Variants in LRRC75A observed in about 807,000 individuals in gnomAD.
LRRC75A encodes the protein leucine-rich repeat-containing protein 75A.
In LRRC75A, 12 loss-of-function variants were observed where a neutral mutation model predicts 26.0. That is an observed-to-expected ratio of 0.46 (90% CI 0.30 to 0.75). LRRC75A has a LOEUF of 0.75. LRRC75A is among the 30% of genes least tolerant of loss of function. LRRC75A has a pLI of 0.08. For missense variants in LRRC75A, 410 were observed against 486.6 expected (o/e 0.84, Z 1.48); for synonymous variants, 223 against 219.3 (o/e 1.02, Z -0.15).
chr17:16,486,653 C>G (rs1006578826), intron 1 of LRRC75A, among the ~76,000 whole-genome samples: 3 of 152,236 alleles, frequency 2.0e-5, no homozygotes, highest in Non-Finnish European at 2.9e-5. Context: ...CGGCAGAGGC[C>G]CCAGACTGCA....
At chr17:16,446,432 A>AT (rs1449685789) in intron 3 of LRRC75A, among the ~76,000 whole-genome samples, 4 of 152,186 alleles carry the variant, frequency 2.6e-5, no homozygotes, top group Non-Finnish European at 5.9e-5. Flanking sequence ...AAAAGTAAGC[A>AT]TGGGCCATCA....
At chr17:16,454,044 T>A (rs1054990012) in intron 2 of LRRC75A, among the ~76,000 whole-genome samples, 2 of 152,308 alleles carry the variant, frequency 1.3e-5, no homozygotes, top group Admixed American at 1.3e-4. Context: ...TCACACCCTT[T>A]GTCCAATCGC....
intron 2 of LRRC75A, among the ~76,000 whole-genome samples, chr17:16,454,271 A>G (rs2093658324): frequency 1.3e-5 from 2 of 152,188 alleles, no homozygotes; most frequent in Non-Finnish European, 2.9e-5. Flanking sequence ...GGGCACCTGT[A>G]GTCCCAGCTA....
At chr17:16,453,297 AACACAC>A (rs764002278) in intron 2 of LRRC75A, among the ~76,000 whole-genome samples, 1,595 of 108,740 alleles carry the variant, frequency 0.015, 25 homozygotes, top group African/African-American at 0.037. Context: ...GGGACTCCTA[AACACAC>A]ACACACACGC....
chr17:16,443,060 T>A lies in LRRC75A; in HGVS notation c.*528A>T, dbSNP rs73287090. ...CCATAAGGAGGTAGGCCACGTTCAG[T>A]CCACCCCTAGCATAGATGGAACTGG... On this transcript the variant is annotated 3_prime_UTR_variant, in exon 4 of 4. Coordinates refer to ENST00000470794, the MANE Select transcript of LRRC75A (RefSeq NM_001113567.3). 3,926 of 153,700 alleles carry A rather than the reference T, an allele frequency of 0.026. 166 individuals carry two copies. Among genetic ancestry groups the A allele is most frequent in the African/African-American group, 0.09 (3,751 of 41,556 alleles). 9.5% of individuals were successfully genotyped at this position (153,700 alleles called of 1,614,324 possible).
intron 2 of LRRC75A, among the ~76,000 whole-genome samples, chr17:16,456,146 G>T (rs1465708610): frequency 6.8e-6 from 1 of 147,744 alleles, no homozygotes; most frequent in Admixed American, 6.7e-5. Context: ...GGAGGAAGAG[G>T]AGGGAGAGGA....
At position 16,492,067 on chromosome 17, in the gene LRRC75A, C is replaced by G. The variant is rs2093858810; in HGVS notation, c.-77G>C. ...CGCCAACCGCCCGCCCCTCGGCCGC[C>G]CGTGCGCGCTCGCCTCCCGGGCTGC... On this transcript the variant is annotated 5_prime_UTR_variant, in exon 1 of 4. Coordinates refer to ENST00000470794, the MANE Select transcript of LRRC75A (RefSeq NM_001113567.3). 10 of 1,063,236 alleles carry G rather than the reference C, an allele frequency of 9.4e-6. No individual in the cohort carries two copies. Among genetic ancestry groups the G allele is most frequent in the African/African-American group, 3.4e-5 (2 of 58,676 alleles). 65.9% of individuals were successfully genotyped at this position (1,063,236 alleles called of 1,614,324 possible). A position where few individuals can be genotyped will look rare whatever the true frequency, so the allele number is the denominator to read the frequency against.
chr17:16,456,477 AGAGGAG>A (rs139882771), intron 2 of LRRC75A, among the ~76,000 whole-genome samples: 70 of 148,798 alleles, frequency 4.7e-4, no homozygotes, highest in African/African-American at 1.7e-3. Flanking sequence ...AGGAGAAAGA[AGAGGAG>A]GAGGAAGAGG....
At chr17:16,448,789 T>G (rs2093607454) in intron 2 of LRRC75A, among the ~76,000 whole-genome samples, 1 of 152,174 alleles carries the variant, frequency 6.6e-6, no homozygotes, top group African/African-American at 2.4e-5. Context: ...GAGGAGGGAC[T>G]GACAGACCTA....
chr17:16,486,573 C>G (rs1601206364), intron 1 of LRRC75A, among the ~76,000 whole-genome samples: 1 of 152,340 alleles, frequency 6.6e-6, no homozygotes, highest in Middle Eastern at 3.4e-3. Context: ...GAACATGATT[C>G]AGCACAAGAG....
intron 1 of LRRC75A, among the ~76,000 whole-genome samples, chr17:16,467,863 C>T (rs2143277334): frequency 6.6e-6 from 1 of 152,318 alleles, no homozygotes; most frequent in East Asian, 1.9e-4. Flanking sequence ...CTCCAAGTCA[C>T]CAAAGGGACA....
intron 1 of LRRC75A, chr17:16,470,331 A>C (rs546948526): frequency 6.6e-6 from 1 of 152,192 alleles, no homozygotes. Context: ...GCAACAACAG[A>C]GCCGGGGAAA....
chr17:16,449,363 C>T (rs902523854), intron 2 of LRRC75A, among the ~76,000 whole-genome samples: 18 of 152,164 alleles, frequency 1.2e-4, no homozygotes, highest in African/African-American at 4.3e-4. Flanking sequence ...TGGCCTTGGA[C>T]AATTGCTTGA....
chr17:16,458,890 C>A (rs2093706257), intron 2 of LRRC75A, among the ~76,000 whole-genome samples: 1 of 152,170 alleles, frequency 6.6e-6, no homozygotes, highest in African/African-American at 2.4e-5. Flanking sequence ...GAGACTATAA[C>A]AATAAATGTC....
chr17:16,456,208 AGG>A (rs1379600278), intron 2 of LRRC75A, among the ~76,000 whole-genome samples: 1 of 108,498 alleles, frequency 9.2e-6, no homozygotes, highest in African/African-American at 4.1e-5. Flanking sequence ...GAGGAAGAGG[AGG>A]AGGAAGAGGA....
In LRRC75A at chr17:16,444,082, A is replaced by G. The variant is rs1213703901; in HGVS notation, c.541T>C (p.Ser181Pro). 2 of 1,612,462 alleles carry G rather than the reference A, an allele frequency of 1.2e-6. No individual in the cohort carries two copies. The highest frequency in any genetic ancestry group is 8.5e-7 in the Non-Finnish European group (1 of 1,179,228). ...GSPPDNTVDLSGIPLTSRDLE... is the reference protein window; with the variant it reads ...GSPPDNTVDLPGIPLTSRDLE... ...TCTCGGGAGGTCAGTGGGATTCCCG[A>G]CAGGTCCACTGTGTTGTCTGGGGGG... The change falls in exon 4 of 4, where the codon TCG becomes CCG. Residue 181 changes from serine to proline, a missense_variant. Coordinates refer to ENST00000470794, the MANE Select transcript of LRRC75A (RefSeq NM_001113567.3).
intron 1 of LRRC75A, among the ~76,000 whole-genome samples, chr17:16,476,955 G>T (rs545511334): frequency 4.0e-5 from 6 of 149,990 alleles, no homozygotes; most frequent in Non-Finnish European, 8.8e-5. Flanking sequence ...AGCCAGGATG[G>T]TCTCAATCTC....
intron 1 of LRRC75A, among the ~76,000 whole-genome samples, chr17:16,489,290 G>A (rs898509672): frequency 1.3e-4 from 20 of 152,116 alleles, no homozygotes; most frequent in Non-Finnish European, 1.2e-4. Context: ...TACTGTCCTC[G>A]CTGCTGCCCC....
chr17:16,451,043 T>TA (rs2093626977), intron 2 of LRRC75A, among the ~76,000 whole-genome samples: 1 of 151,766 alleles, frequency 6.6e-6, no homozygotes, highest in South Asian at 2.1e-4. Context: ...CCACTGGACT[T>TA]ATGGGGTTGG....
Sources: gnomAD v4.1 joint callset for allele counts (sites outside exome capture counted in the v4.1 genomes callset) on GRCh38, gnomAD v4.1.1 for gene constraint, MANE v1.5 for transcripts, NCBI Gene and HGNC (gene_info 2026-07-23, HGNC 2026-07-21) for gene names.